ADAMTS12: variants seen among roughly 807,000 people sequenced by gnomAD.
ADAMTS12 encodes A disintegrin and metalloproteinase with thrombospondin motifs 12.
A neutral mutation model predicts 167.8 loss-of-function variants in ADAMTS12; 118 were observed. The observed-to-expected ratio is 0.70, with a 90% CI of 0.61 to 0.82. The LOEUF is 0.82. ADAMTS12 is among the 40% of genes least tolerant of loss of function. The probability of loss-of-function intolerance (pLI) is 0.00; values close to 1 mark genes in which losing one functional copy is unlikely to be tolerated. For synonymous variants in ADAMTS12, 704 were observed against 716.9 expected (o/e 0.98, Z 0.29); for missense variants, 1,916 against 1,998.8 (o/e 0.96, Z 0.79).
At chr5:33,856,109 C>A (rs911961008) in intron 2 of ADAMTS12, among the ~76,000 whole-genome samples, 2 of 152,124 alleles carry the variant, frequency 1.3e-5, no homozygotes, top group South Asian at 4.1e-4. Flanking sequence ...GAAGCAAAAC[C>A]TGAATGATTT....
chr5:33,880,759 G>C (rs909577891), intron 2 of ADAMTS12: 2 of 234,308 alleles, frequency 8.5e-6, no homozygotes, highest in African/African-American at 4.4e-5. Context: ...TCCAAATCTA[G>C]GTTCTGCTCA....
At chr5:33,605,653 T>C (rs1209986873) in intron 16 of ADAMTS12, among the ~76,000 whole-genome samples, 1 of 152,196 alleles carries the variant, frequency 6.6e-6, no homozygotes, top group Non-Finnish European at 1.5e-5. Flanking sequence ...ATTTAAGATG[T>C]ATACAGAGTA....
rs77508803 is a variant in ADAMTS12, at chr5:33,616,591, T to C, written c.2144-519A>G. Among the ~76,000 whole-genome samples, 946 of 152,334 alleles carry C rather than the reference T, an allele frequency of 6.2e-3. 11 individuals carry two copies. The highest frequency in any genetic ancestry group is 0.022 in the African/African-American group (903 of 41,568). Reference sequence around the variant, plus strand: ...AATCCTGGAGGGAATCTCAGATTGTTTGCCACCTGGCTATCTTGAATACAG... The same window carrying C: ...AATCCTGGAGGGAATCTCAGATTGTCTGCCACCTGGCTATCTTGAATACAG... On this transcript the variant is annotated intron_variant, in intron 14 of 23. Transcript: ENST00000504830.
intron 5 of ADAMTS12, among the ~76,000 whole-genome samples, chr5:33,673,752 G>A (rs1741802358): frequency 6.6e-6 from 1 of 152,112 alleles, no homozygotes; most frequent in East Asian, 1.9e-4. Context: ...CACGGTTTAT[G>A]CTTTAGCAAC....
chr5:33,815,168 C>T (rs1747600658), intron 2 of ADAMTS12, among the ~76,000 whole-genome samples: 1 of 152,184 alleles, frequency 6.6e-6, no homozygotes, highest in African/African-American at 2.4e-5. Flanking sequence ...CTTTTGCAGG[C>T]TAGCATCTCT....
intron 2 of ADAMTS12, among the ~76,000 whole-genome samples, chr5:33,785,677 T>C (rs10062222): frequency 0.05 from 7,646 of 152,244 alleles, 682 homozygotes; most frequent in African/African-American, 0.18. Context: ...AAATGTTGGC[T>C]AACATATGGA....
chr5:33,696,815 C>T (rs956356918), intron 3 of ADAMTS12, among the ~76,000 whole-genome samples: 2 of 152,210 alleles, frequency 1.3e-5, no homozygotes, highest in Non-Finnish European at 2.9e-5. Flanking sequence ...CCAGTCTTGG[C>T]TTCACCTATG....
rs748800367 is a variant in ADAMTS12, at chr5:33,658,276, A to G, written c.1098T>C (p.Leu366=). 2 of 1,613,756 alleles carry G rather than the reference A, an allele frequency of 1.2e-6. No homozygotes were observed. The highest frequency in any genetic ancestry group is 2.2e-5 in the South Asian group (2 of 91,076). The change falls in exon 7 of 24, where the codon CTT becomes CTC. Residue 366 remains leucine, a synonymous_variant. Transcript: ENST00000504830. ...RPCETLGLSH[L]SGMCQPHRSC... ...TGCGGTGAGGCTGACACATTCCTGA[A>G]AGGTGAGACAGGCCCAGGGTCTCGC...
chr5:33,570,507 G>A (rs1479847886), intron 19 of ADAMTS12, among the ~76,000 whole-genome samples: 1 of 152,006 alleles, frequency 6.6e-6, no homozygotes, highest in Non-Finnish European at 1.5e-5. Flanking sequence ...AGCTTCATAA[G>A]TAAAGGAGAA....
chr5:33,541,989 T>C (rs528264566), intron 22 of ADAMTS12, among the ~76,000 whole-genome samples: 167 of 152,160 alleles, frequency 1.1e-3, no homozygotes, highest in Non-Finnish European at 1.7e-3. Flanking sequence ...CACATAACAA[T>C]ACTAACCTTC....
chr5:33,751,464 G>C lies in ADAMTS12; in HGVS notation c.574C>G (p.His192Asp). Residue 192 changes from histidine to aspartate, a missense_variant, in exon 3 of 24, where the codon CAC (histidine) becomes GAC (aspartate). His to Asp is a moderately conservative substitution (Grantham distance 81, BLOSUM62 -1). Coordinates refer to ENST00000504830, the MANE Select transcript of ADAMTS12 (RefSeq NM_030955.4). The stretch of plus-strand genomic sequence containing the variant: ...ACTTTCTGCCTCCTGTAAACGATGT[G>C]CGGGTGGTACCCTCCCTCAACCAGT... ...HPLVEGGYHPHIVYRRQKVPE... is the reference protein window; with the variant it reads ...HPLVEGGYHPDIVYRRQKVPE... 6.2e-7 allele frequency: 1 copy of C among 1,614,108 alleles called. No individual in the cohort carries two copies. Among genetic ancestry groups the C allele is most frequent in the Non-Finnish European group, 8.5e-7 (1 of 1,180,008 alleles).
chr5:33,642,489 G>C (rs2112174757), intron 10 of ADAMTS12, among the ~76,000 whole-genome samples: 1 of 152,270 alleles, frequency 6.6e-6, no homozygotes, highest in South Asian at 2.1e-4. Flanking sequence ...CTAGCTGTTA[G>C]GAAGTTCTTC....
chr5:33,889,634 T>C (rs780119867), intron 1 of ADAMTS12, among the ~76,000 whole-genome samples: 1 of 152,190 alleles, frequency 6.6e-6, no homozygotes, highest in African/African-American at 2.4e-5. Flanking sequence ...GGGAATTGAT[T>C]GTGGTTGGTG....
At chr5:33,760,951 A>G (rs2112408600) in intron 2 of ADAMTS12, among the ~76,000 whole-genome samples, 1 of 151,910 alleles carries the variant, frequency 6.6e-6, no homozygotes, top group African/African-American at 2.4e-5. Context: ...CAATCCATAA[A>G]CCCACATTTG....
chr5:33,580,384 C>T (rs1747003353), intron 18 of ADAMTS12, among the ~76,000 whole-genome samples: 1 of 152,012 alleles, frequency 6.6e-6, no homozygotes, highest in Admixed American at 6.6e-5. Flanking sequence ...CTGATAAAAC[C>T]CTCAGATCTC....
chr5:33,840,141 T>A (rs1342612427), intron 2 of ADAMTS12: 3 of 152,322 alleles, frequency 2.0e-5, no homozygotes, highest in Admixed American at 1.3e-4. Flanking sequence ...CAAGTTTACT[T>A]ACACCCATTT....
At chr5:33,713,111 A>C (rs942497214) in intron 3 of ADAMTS12, among the ~76,000 whole-genome samples, 9 of 152,210 alleles carry the variant, frequency 5.9e-5, no homozygotes, top group Non-Finnish European at 8.8e-5. Flanking sequence ...TCTGAAAAGA[A>C]GAAGACGTTT....
chr5:33,798,064 C>T (rs929534153), intron 2 of ADAMTS12, among the ~76,000 whole-genome samples: 1 of 152,118 alleles, frequency 6.6e-6, no homozygotes, highest in Non-Finnish European at 1.5e-5. Context: ...AACTGACTAT[C>T]CTTCTCGTTC....
intron 2 of ADAMTS12, among the ~76,000 whole-genome samples, chr5:33,809,890 G>T (rs1022456149): frequency 1.3e-5 from 2 of 151,532 alleles, no homozygotes; most frequent in Non-Finnish European, 2.9e-5. Flanking sequence ...ACTGGGGGTG[G>T]GGGTGAAAGA....
Sources: gnomAD v4.1 joint callset for allele counts (sites outside exome capture counted in the v4.1 genomes callset) on GRCh38, gnomAD v4.1.1 for gene constraint, MANE v1.5 for transcripts, NCBI Gene and HGNC (gene_info 2026-07-23, HGNC 2026-07-21) for gene names.